Variants in DGKB observed in about 807,000 individuals in gnomAD.
DGKB encodes 90 kDa diacylglycerol kinase.
DGKB carries 67 observed loss-of-function variants against 114.3 expected under a neutral mutation model. The observed-to-expected ratio is 0.59, with a 90% CI of 0.48 to 0.72. The LOEUF is 0.72. DGKB is among the 30% of genes least tolerant of loss of function. The pLI is 0.00. For missense variants in DGKB, 907 were observed against 975.2 expected (o/e 0.93, Z 0.93); for synonymous variants, 398 against 323.1 (o/e 1.23, Z -2.49).
intron 13 of DGKB, among the ~76,000 whole-genome samples, chr7:14,665,644 C>T (rs1817902451): frequency 6.6e-6 from 1 of 151,954 alleles, no homozygotes; most frequent in Non-Finnish European, 1.5e-5. Context: ...CTTGATTTTA[C>T]TCTTCAAAGT....
intron 13 of DGKB, among the ~76,000 whole-genome samples, chr7:14,631,157 G>A (rs1809607490): frequency 6.6e-6 from 1 of 151,224 alleles, no homozygotes; most frequent in East Asian, 1.9e-4. Context: ...CTATCTGAGG[G>A]AGGGTCTGGG....
chr7:14,803,490 T>A (rs957966903), intron 2 of DGKB, among the ~76,000 whole-genome samples: 1 of 152,198 alleles, frequency 6.6e-6, no homozygotes, highest in South Asian at 2.1e-4. Flanking sequence ...ATTATTTTAC[T>A]TTTACCTGTT....
At chr7:14,504,105 A>G (rs1786635891) in intron 20 of DGKB, among the ~76,000 whole-genome samples, 1 of 152,222 alleles carries the variant, frequency 6.6e-6, no homozygotes, top group South Asian at 2.1e-4. Flanking sequence ...GAAGAACTGA[A>G]AACAACCACA....
intron 23 of DGKB, among the ~76,000 whole-genome samples, chr7:14,293,314 C>T (rs1156843770): frequency 6.6e-6 from 1 of 152,184 alleles, no homozygotes; most frequent in South Asian, 2.1e-4. Context: ...TATCCCAGTG[C>T]CCAGCTTCTA....
chr7:14,727,021 G>T (rs1830127112), intron 5 of DGKB, among the ~76,000 whole-genome samples: 1 of 152,140 alleles, frequency 6.6e-6, no homozygotes, highest in African/African-American at 2.4e-5. Flanking sequence ...TGATGGATTT[G>T]GGCCTCTGCA....
At chr7:14,462,453 C>A (rs190518125) in intron 21 of DGKB, among the ~76,000 whole-genome samples, 8 of 152,212 alleles carry the variant, frequency 5.3e-5, no homozygotes, top group Admixed American at 1.3e-4. Flanking sequence ...CATTCCTATA[C>A]ACCAATAATA....
chr7:14,359,261 C>T (rs1815221681), intron 21 of DGKB, among the ~76,000 whole-genome samples: 1 of 152,072 alleles, frequency 6.6e-6, no homozygotes, highest in Non-Finnish European at 1.5e-5. Context: ...AACTGGCTAG[C>T]CATATGGAGA....
chr7:14,640,535 C>A (rs1218690841), intron 13 of DGKB, among the ~76,000 whole-genome samples: 1 of 152,120 alleles, frequency 6.6e-6, no homozygotes, highest in African/African-American at 2.4e-5. Flanking sequence ...AGAATTTCAA[C>A]TGATAGATTT....
chr7:14,619,796 G>T (rs1211105797), intron 15 of DGKB, among the ~76,000 whole-genome samples: 1 of 151,536 alleles, frequency 6.6e-6, no homozygotes, highest in African/African-American at 2.4e-5. Context: ...TAATGGTATT[G>T]ATCTCATATG....
At chr7:14,220,482 A>G (rs1789760211) in intron 23 of DGKB, among the ~76,000 whole-genome samples, 2 of 151,596 alleles carry the variant, frequency 1.3e-5, no homozygotes, top group East Asian at 1.9e-4. Flanking sequence ...ATATATATAT[A>G]TGTCTATCCT....
chr7:14,924,674 G>C (rs558912915), intron 1 of DGKB, among the ~76,000 whole-genome samples: 1 of 151,918 alleles, frequency 6.6e-6, no homozygotes, highest in South Asian at 2.1e-4. Context: ...TTTATTTCTA[G>C]ATTGTTTTGT....
In DGKB at chr7:14,178,152, C is replaced by G. The variant is rs765545397; in HGVS notation, c.2123-1G>C. ...ACCTCCAGCAGCTGGTCACTGAGATCTGAAAGAAAGTAGATGCCTTTTAAG... is the reference window on the plus strand; with the variant it reads ...ACCTCCAGCAGCTGGTCACTGAGATGTGAAAGAAAGTAGATGCCTTTTAAG... On this transcript the variant is annotated splice_acceptor_variant, in intron 23 of 25. Coordinates refer to ENST00000402815, the MANE Select transcript of DGKB (RefSeq NM_001350709.2). LOFTEE classifies it high-confidence loss of function. 2 of 1,613,328 alleles carry G rather than the reference C, an allele frequency of 1.2e-6. No homozygotes were observed. The highest frequency in any genetic ancestry group is 1.1e-5 in the South Asian group (1 of 91,058).
intron 23 of DGKB, among the ~76,000 whole-genome samples, chr7:14,212,739 G>T (rs917671880): frequency 3.3e-5 from 5 of 151,942 alleles, no homozygotes; most frequent in African/African-American, 9.7e-5. Context: ...CTAACTCATC[G>T]TTCTCTTTGC....
chr7:14,704,608 G>T (rs935339506), intron 6 of DGKB, among the ~76,000 whole-genome samples: 1 of 151,860 alleles, frequency 6.6e-6, no homozygotes, highest in African/African-American at 2.4e-5. Context: ...CTCCCAGCAC[G>T]CAGCTGAAGA....
At position 14,682,591 on chromosome 7, in the gene DGKB, C is replaced by T; in HGVS notation, c.997G>A (p.Gly333Ser). Residue 333 changes from glycine to serine, a missense_variant, in exon 12 of 26, where the codon GGC (glycine) becomes AGC (serine). Around this residue, in one of 3 missense-constraint regions of DGKB, gnomAD observed 814 missense variants for 856.6 expected, o/e 0.95. Coordinates refer to ENST00000402815, the MANE Select transcript of DGKB (RefSeq NM_001350709.2). ...KCHKTVKCYQ[G>S]LTGLHCVWCQ... ...CAAACACAATGCAGTCCTGTCAGGC[C>T]CTGGTAACATTTAACAGTTTTGTGG... 2 of 1,613,474 alleles carry T rather than the reference C, an allele frequency of 1.2e-6. No individual in the cohort carries two copies. Among genetic ancestry groups the T allele is most frequent in the South Asian group, 1.1e-5 (1 of 91,074 alleles).
intron 25 of DGKB, among the ~76,000 whole-genome samples, chr7:14,160,219 C>T (rs989465619): frequency 2.0e-5 from 3 of 152,082 alleles, no homozygotes; most frequent in Non-Finnish European, 4.4e-5. Flanking sequence ...TGGCACAAGT[C>T]AAAGATATCC....
chr7:14,445,126 G>T lies in DGKB; in HGVS notation c.1835+33035C>A, dbSNP rs146267506. 6.2e-3 allele frequency among the ~76,000 whole-genome samples: 948 copies of T among 151,834 alleles called. 17 individuals are homozygous for T. Among genetic ancestry groups the T allele is most frequent in the African/African-American group, 0.022 (896 of 41,494 alleles). Reference sequence around the variant, plus strand: ...CTTTCTTTGAGAAAATAGTTGTAAAGACTTTCATCTTTTCTCTCTCTTGTT... The same window carrying T: ...CTTTCTTTGAGAAAATAGTTGTAAATACTTTCATCTTTTCTCTCTCTTGTT... On this transcript the variant is annotated intron_variant, in intron 21 of 25. Coordinates refer to ENST00000402815, the MANE Select transcript of DGKB (RefSeq NM_001350709.2).
intron 2 of DGKB, among the ~76,000 whole-genome samples, chr7:14,824,917 G>A (rs1165279907): frequency 6.7e-6 from 1 of 148,750 alleles, no homozygotes; most frequent in African/African-American, 2.5e-5. Context: ...TGATTTGCTG[G>A]ACACATAAAC....
chr7:14,740,078 G>C (rs1313067797), intron 4 of DGKB, among the ~76,000 whole-genome samples: 1 of 152,170 alleles, frequency 6.6e-6, no homozygotes, highest in Non-Finnish European at 1.5e-5. Context: ...TAGAGGCCCC[G>C]TGCAGACAGC....
Sources: gnomAD v4.1 joint callset for allele counts (sites outside exome capture counted in the v4.1 genomes callset) on GRCh38, gnomAD v4.1.1 for gene constraint, gnomAD v4.1.1 regional missense constraint, MANE v1.5 for transcripts, NCBI Gene and HGNC (gene_info 2026-07-23, HGNC 2026-07-21) for gene names.